The following FBXO28 variants were observed in gnomAD, a reference collection of about 807,000 sequenced individuals.
The protein encoded by FBXO28 is F-box only protein 28.
FBXO28 carries 8 observed loss-of-function variants against 38.1 expected under a neutral mutation model. That is an observed-to-expected ratio of 0.21 (90% CI 0.12 to 0.38). The LOEUF is 0.38. Ranked by LOEUF, FBXO28 falls within the 10% of genes least tolerant of loss-of-function variation. The pLI is 1.00. For missense variants in FBXO28, 345 were observed against 460.6 expected (o/e 0.75, Z 2.30); for synonymous variants, 168 against 173.8 (o/e 0.97, Z 0.26).
At chr1:224,130,050 A>G (rs550353434) in intron 1 of FBXO28, among the ~76,000 whole-genome samples, 90 of 152,072 alleles carry the variant, frequency 5.9e-4, no homozygotes, top group African/African-American at 2.1e-3. Flanking sequence ...AATCAGAGTT[A>G]CATACAGCAG....
intron 2 of FBXO28, among the ~76,000 whole-genome samples, chr1:224,132,295 A>C (rs1412001131): frequency 1.3e-5 from 2 of 152,152 alleles, no homozygotes; most frequent in Non-Finnish European, 2.9e-5. Context: ...TCTCCAAAGA[A>C]GATAAGTAAT....
At chr1:224,125,118 T>C (rs1656874464) in intron 1 of FBXO28, among the ~76,000 whole-genome samples, 1 of 151,846 alleles carries the variant, frequency 6.6e-6, no homozygotes, top group African/African-American at 2.4e-5. Flanking sequence ...TTTTTCTTTT[T>C]TTTTTTTTCT....
At chr1:224,126,411 T>G (rs1199167958) in intron 1 of FBXO28, among the ~76,000 whole-genome samples, 2 of 152,380 alleles carry the variant, frequency 1.3e-5, no homozygotes, top group East Asian at 3.8e-4. Flanking sequence ...TCTCAGAAAT[T>G]ATCAACAAGG....
At position 224,157,604 on chromosome 1, in the gene FBXO28, G is replaced by A. The variant is rs769544662; in HGVS notation, c.965G>A (p.Arg322His). 13 of 1,614,248 alleles carry A rather than the reference G, an allele frequency of 8.1e-6. No homozygotes were observed. Among genetic ancestry groups the A allele is most frequent in the East Asian group, 2.2e-5 (1 of 44,894 alleles). The part of the protein sequence containing the change: ...EQNARLAELE[R>H]KLREVMESAV... Reference sequence around the variant, plus strand: ...AATGCACGGTTGGCAGAGCTAGAACGCAAACTACGAGAAGTAATGGAAAGT... The same window carrying A: ...AATGCACGGTTGGCAGAGCTAGAACACAAACTACGAGAAGTAATGGAAAGT... The change falls in exon 5 of 5, where the codon CGC becomes CAC. Residue 322 changes from arginine (R) to histidine (H), a missense_variant. Arg to His is a conservative substitution (Grantham distance 29). Transcript: ENST00000366862.
rs1016364368 is a variant in FBXO28 at position 224,161,951 on chromosome 1, G to A, written c.*4205G>A. ...ACAATAAATTACTAGTTTACCTTCT[G>A]GAATTTTAATTGTTATAACCGAATC... On this transcript the variant is annotated 3_prime_UTR_variant, in exon 5 of 5. Coordinates refer to ENST00000366862, the MANE Select transcript of FBXO28 (RefSeq NM_015176.4). The A allele has an allele frequency of 6.6e-6, 1 of 152,146 alleles. No homozygotes were observed. The highest frequency in any genetic ancestry group is 2.4e-5 in the African/African-American group (1 of 41,424). 9.4% of individuals were successfully genotyped at this position (152,146 alleles called of 1,614,324 possible).
chr1:224,139,531 C>G (rs536243828), intron 3 of FBXO28, among the ~76,000 whole-genome samples: 26 of 151,806 alleles, frequency 1.7e-4, no homozygotes, highest in African/African-American at 2.4e-4. Flanking sequence ...ATCACAAGAT[C>G]GAGAGATCGA....
At chr1:224,123,476 A>G (rs1656827713) in intron 1 of FBXO28, among the ~76,000 whole-genome samples, 1 of 149,266 alleles carries the variant, frequency 6.7e-6, no homozygotes, top group Non-Finnish European at 1.5e-5. Context: ...ATTGGGTTCC[A>G]ATACAATATT....
chr1:224,143,895 C>T (rs1657432713), intron 3 of FBXO28, among the ~76,000 whole-genome samples: 1 of 150,266 alleles, frequency 6.7e-6, no homozygotes, highest in South Asian at 2.1e-4. Flanking sequence ...ACCGTAATCC[C>T]AGCACTTTGG....
At chr1:224,136,100 A>ATTTTTT (rs1558191323) in intron 3 of FBXO28, among the ~76,000 whole-genome samples, 1 of 8,644 alleles carries the variant, frequency 1.2e-4, no homozygotes, top group Non-Finnish European at 2.1e-4. Context: ...TGTTGACTTC[A>ATTTTTT]GTTTTTTTTT....
intron 1 of FBXO28, among the ~76,000 whole-genome samples, chr1:224,121,765 A>G (rs1572005885): frequency 6.6e-6 from 1 of 151,774 alleles, no homozygotes; most frequent in South Asian, 2.1e-4. Flanking sequence ...CTCCTGCCTC[A>G]GCTCCAAATA....
At chr1:224,137,368 C>A (rs899404851) in intron 3 of FBXO28, among the ~76,000 whole-genome samples, 7 of 151,460 alleles carry the variant, frequency 4.6e-5, no homozygotes, top group Non-Finnish European at 1.0e-4. Flanking sequence ...ACTAAAAATA[C>A]AAAAATTAGC....
Position 224,158,273 on chromosome 1 carries a change from G to T in FBXO28, c.*527G>T, listed in dbSNP as rs1423180067. On this transcript the variant is annotated 3_prime_UTR_variant, in exon 5 of 5. Coordinates refer to ENST00000366862, the MANE Select transcript of FBXO28 (RefSeq NM_015176.4). ...ATTGAAGTAATGGGTAACTAAAATG[G>T]ACTTCCATAGTATTGACTGTAGAAG... 3.2e-6 allele frequency: 3 copies of T among 950,806 alleles called. No individual in the cohort carries two copies. Among genetic ancestry groups the T allele is most frequent in the African/African-American group, 1.8e-5 (1 of 56,388 alleles). 58.9% of individuals were successfully genotyped at this position (950,806 alleles called of 1,614,324 possible).
chr1:224,119,291 G>A (rs1210742185), intron 1 of FBXO28, among the ~76,000 whole-genome samples: 1 of 150,652 alleles, frequency 6.6e-6, no homozygotes, highest in South Asian at 2.1e-4. Context: ...CTGCCACCAC[G>A]CCCGGCTAAT....
chr1:224,147,661 G>T (rs943764301), intron 3 of FBXO28, among the ~76,000 whole-genome samples: 5 of 151,800 alleles, frequency 3.3e-5, no homozygotes, highest in Admixed American at 6.6e-5. Context: ...GATGCGGAGG[G>T]ACTGACTATT....
intron 1 of FBXO28, among the ~76,000 whole-genome samples, chr1:224,117,009 A>T (rs993837466): frequency 2.6e-5 from 4 of 152,066 alleles, no homozygotes; most frequent in African/African-American, 9.7e-5. Flanking sequence ...CCCCATCTTT[A>T]TAAAAATACA....
rs181716850 is a variant in FBXO28 at position 224,158,503 on chromosome 1, G to A, written c.*757G>A. 79 of 152,802 alleles carry A rather than the reference G, an allele frequency of 5.2e-4. 1 individual carries two copies. Among genetic ancestry groups the A allele is most frequent in the South Asian group, 6.2e-4 (3 of 4,830 alleles). 9.5% of individuals were successfully genotyped at this position (152,802 alleles called of 1,614,324 possible). A position where few individuals can be genotyped will look rare whatever the true frequency, so the allele number is the denominator to read the frequency against. On this transcript the variant is annotated 3_prime_UTR_variant, in exon 5 of 5. Transcript: ENST00000366862. ...ATACTTCTCCACTTTTTAGAGCGGCGTCTTAGTTTATTTAAACGCTTAACA... is the reference window on the plus strand; with the variant it reads ...ATACTTCTCCACTTTTTAGAGCGGCATCTTAGTTTATTTAAACGCTTAACA...
intron 3 of FBXO28, among the ~76,000 whole-genome samples, chr1:224,137,060 T>C (rs1334645606): frequency 1.3e-5 from 2 of 151,714 alleles, no homozygotes; most frequent in South Asian, 4.2e-4. Context: ...CCACAGAAGC[T>C]TTTATACTTT....
rs1430921016 is a variant in FBXO28 at position 224,158,732 on chromosome 1, C to T, written c.*986C>T. On this transcript the variant is annotated 3_prime_UTR_variant, in exon 5 of 5. Transcript: ENST00000366862. Reference sequence around the variant, plus strand: ...GGGAGCTAATACTCCTCTTTGCTCACCACCATGTGATCATTGATCAGATGT... The same window carrying T: ...GGGAGCTAATACTCCTCTTTGCTCATCACCATGTGATCATTGATCAGATGT... 6.6e-6 allele frequency: 1 copy of T among 152,324 alleles called. No homozygotes were observed. Among genetic ancestry groups the T allele is most frequent in the Non-Finnish European group, 1.5e-5 (1 of 68,042 alleles). The allele number at this position is 152,324 out of a possible 1,614,324, so 9.4% of individuals were successfully genotyped here.
At chr1:224,120,839 G>A (rs1207835105) in intron 1 of FBXO28, among the ~76,000 whole-genome samples, 1 of 137,038 alleles carries the variant, frequency 7.3e-6, no homozygotes, top group African/African-American at 3.3e-5. Flanking sequence ...CGCCAGCCTG[G>A]GCAACAAGAG....
Sources: allele counts gnomAD v4.1 joint callset (sites outside exome capture counted in the v4.1 genomes callset), GRCh38; gene constraint gnomAD v4.1.1; transcripts MANE v1.5; gene names NCBI Gene and HGNC (gene_info 2026-07-23, HGNC 2026-07-21).